Variants in DPP6 observed in about 807,000 individuals in gnomAD.
DPP6 encodes the protein dipeptidyl peptidase like 6.
DPP6 carries 69 observed loss-of-function variants against 122.6 expected under a neutral mutation model. The observed-to-expected ratio is 0.56, with a 90% confidence interval of 0.46 to 0.69. The LOEUF is 0.69. Ranked by LOEUF, DPP6 falls within the 30% of genes least tolerant of loss-of-function variation. The probability of loss-of-function intolerance (pLI) is 0.00; values close to 1 mark genes in which losing one functional copy is unlikely to be tolerated. For missense variants in DPP6, 928 were observed against 1,116.9 expected (o/e 0.83, Z 2.41); for synonymous variants, 418 against 433.1 (o/e 0.97, Z 0.43).
chr7:154,111,355 C>T (rs71532631), intron 1 of DPP6, among the ~76,000 whole-genome samples: 13 of 151,708 alleles, frequency 8.6e-5, no homozygotes, highest in East Asian at 5.8e-4. Flanking sequence ...TCATCTGTAA[C>T]GTGGGGATAA....
Position 154,251,453 on chromosome 7 carries a change from A to G in DPP6, c.244-194761A>G, listed in dbSNP as rs537617591. Among the ~76,000 whole-genome samples the G allele has an allele frequency of 1.5e-4, 23 of 152,340 alleles. No homozygotes were observed. The South Asian group carries it at 2.9e-3, about 19-fold the overall frequency. On this transcript the variant is annotated intron_variant, in intron 1 of 25. Transcript: ENST00000377770. ...GATGGCATATTAGTCAGGGTTCTCT[A>G]GAGGGACAGAACTAATAGGATATAT...
At chr7:153,750,114 A>G in the DPP6 span, among the ~76,000 whole-genome samples, 1 of 152,210 alleles carries the variant, frequency 6.6e-6, no homozygotes, top group Non-Finnish European at 1.5e-5. Context: ...GAGTAATGAT[A>G]TTGGATTCAC....
At chr7:154,536,656 T>A (rs62477160) in intron 3 of DPP6, among the ~76,000 whole-genome samples, 6 of 152,010 alleles carry the variant, frequency 3.9e-5, no homozygotes, top group Non-Finnish European at 7.4e-5. Context: ...TGAAGGAAAC[T>A]CATAAGGGAA....
At chr7:154,176,947 C>T (rs1412566489) in intron 1 of DPP6, among the ~76,000 whole-genome samples, 2 of 152,128 alleles carry the variant, frequency 1.3e-5, no homozygotes, top group African/African-American at 4.8e-5. Context: ...CATCTTCCCA[C>T]CTCAGCCTCC....
At chr7:154,423,618 G>A (rs1246619997) in intron 1 of DPP6, among the ~76,000 whole-genome samples, 1 of 152,192 alleles carries the variant, frequency 6.6e-6, no homozygotes, top group Admixed American at 6.5e-5. Flanking sequence ...GAGAGTCCTT[G>A]CCAATTGTTA....
the DPP6 span, among the ~76,000 whole-genome samples, chr7:153,759,454 T>C: frequency 1.3e-5 from 2 of 152,024 alleles, no homozygotes; most frequent in Non-Finnish European, 2.9e-5. Context: ...CTCTAGTAGC[T>C]GGGACTACAG....
intron 1 of DPP6, among the ~76,000 whole-genome samples, chr7:154,062,725 TA>T (rs1450367254): frequency 7.2e-5 from 3 of 41,592 alleles, no homozygotes; most frequent in Non-Finnish European, 1.2e-4. Flanking sequence ...ACCCCCATCG[TA>T]GGGGGGGGGA....
At chr7:154,751,183 A>C (rs1019831808) in intron 8 of DPP6, among the ~76,000 whole-genome samples, 1 of 152,166 alleles carries the variant, frequency 6.6e-6, no homozygotes, top group African/African-American at 2.4e-5. Flanking sequence ...GTCTGCTGTC[A>C]GCAGCTTTAA....
chr7:154,599,362 A>G (rs534536102), intron 5 of DPP6, among the ~76,000 whole-genome samples: 3 of 152,304 alleles, frequency 2.0e-5, no homozygotes, highest in South Asian at 4.1e-4. Flanking sequence ...CATTAAGTGG[A>G]CAGGGTAGAA....
intron 5 of DPP6, among the ~76,000 whole-genome samples, chr7:154,603,656 CAAAAAAAAA>C (rs779501891): frequency 0.014 from 341 of 24,976 alleles, 83 homozygotes; most frequent in South Asian, 0.014. Flanking sequence ...AACTCTGTCT[CAAAAAAAAA>C]AAAAAAAAAA....
At chr7:154,102,300 C>T (rs564071181) in intron 1 of DPP6, among the ~76,000 whole-genome samples, 1 of 152,250 alleles carries the variant, frequency 6.6e-6, no homozygotes, top group Admixed American at 6.5e-5. Flanking sequence ...AGCGATTCTC[C>T]CGCCTCAGCC....
chr7:154,055,865 A>G (rs1455223650), intron 1 of DPP6: 1 of 152,216 alleles, frequency 6.6e-6, no homozygotes, highest in African/African-American at 2.4e-5. Flanking sequence ...TTGGTCACTA[A>G]GATGATGGCA....
intron 13 of DPP6, 21 bp from the exon 14 acceptor site, chr7:154,803,843 T>G: frequency 3.1e-6 from 5 of 1,611,138 alleles, no homozygotes; most frequent in Non-Finnish European, 3.4e-6. Context: ...CTGCTCCTGA[T>G]GCCATGTCTG....
In DPP6 at chr7:154,893,436, C is replaced by A. The variant is rs1461714200; in HGVS notation, c.*956C>A. On this transcript the variant is annotated 3_prime_UTR_variant, in exon 26 of 26. Coordinates refer to ENST00000377770, the MANE Select transcript of DPP6 (RefSeq NM_130797.4). ...TCCTTGGTACCGTATCAAGCTCTTT[C>A]CCATGACATTTGGTTTAAAAAAAAA... The A allele has an allele frequency of 7.4e-6, 1 of 135,014 alleles. No individual in the cohort carries two copies. The highest frequency in any genetic ancestry group is 1.5e-5 in the Non-Finnish European group (1 of 65,492). The allele number at this position is 135,014 out of a possible 1,614,324, so 8.4% of individuals were successfully genotyped here.
At position 154,217,205 on chromosome 7, in the gene DPP6, G is replaced by A. The variant is rs1036342502; in HGVS notation, c.243+164142G>A. ...GAGTTGAGTGGTCACCTCATGACAA[G>A]GACAGTTTGAGGGTTTACTCTTGTT... is the stretch of plus-strand genomic sequence containing the variant. On this transcript the variant is annotated intron_variant, in intron 1 of 25. Coordinates refer to ENST00000377770, the MANE Select transcript of DPP6 (RefSeq NM_130797.4). 1.7e-3 allele frequency among the ~76,000 whole-genome samples: 259 copies of A among 152,248 alleles called. 2 individuals are homozygous for A. Among genetic ancestry groups the A allele is most frequent in the Non-Finnish European group, 7.3e-4 (50 of 68,030 alleles).
At chr7:154,072,056 G>A (rs1290957181) in intron 1 of DPP6, among the ~76,000 whole-genome samples, 1 of 152,184 alleles carries the variant, frequency 6.6e-6, no homozygotes, top group Non-Finnish European at 1.5e-5. Context: ...ACACCAGAGG[G>A]CAGAGTGTAC....
chr7:153,950,104 A>T lies in DPP6; in HGVS notation c.51+62370A>T, dbSNP rs534851269. Among the ~76,000 whole-genome samples, 446 of 152,334 alleles carry T rather than the reference A, an allele frequency of 2.9e-3. 3 individuals carry two copies. Among genetic ancestry groups the T allele is most frequent in the Non-Finnish European group, 4.5e-3 (306 of 68,030 alleles). On this transcript the variant is annotated intron_variant, in intron 1 of 25. Transcript: ENST00000404039. ...ATAAAAATTAGCATACAGAGGGATC[A>T]TTAGGCTCAGCCTCAGGTGGAACAG...
At chr7:154,797,062 A>G (rs1798090553) in intron 12 of DPP6, among the ~76,000 whole-genome samples, 1 of 152,248 alleles carries the variant, frequency 6.6e-6, no homozygotes. Flanking sequence ...ACATATAAGC[A>G]TATAAGCATA....
intron 1 of DPP6, among the ~76,000 whole-genome samples, chr7:154,423,607 A>G (rs1161044730): frequency 1.3e-5 from 2 of 152,236 alleles, no homozygotes; most frequent in Non-Finnish European, 2.9e-5. Flanking sequence ...TTGGTCAAAG[A>G]GAGAGTCCTT....
Sources: gnomAD v4.1 joint callset for allele counts (sites outside exome capture counted in the v4.1 genomes callset) on GRCh38, gnomAD v4.1.1 for gene constraint, MANE v1.5 for transcripts, NCBI Gene and HGNC (gene_info 2026-07-23, HGNC 2026-07-21) for gene names.